Variants in NME9 observed in about 807,000 individuals in gnomAD.
NME9 encodes the protein thioredoxin domain-containing protein 6.
In NME9, 48 loss-of-function variants were observed where a neutral mutation model predicts 44.4. The observed-to-expected ratio is 1.08, with a 90% CI of 0.86 to 1.37. NME9 has a LOEUF of 1.37. Ranked by LOEUF, NME9 falls within the 40% of genes most tolerant of loss-of-function variation. The pLI, the probability that NME9 is intolerant of heterozygous loss-of-function variation, is 0.00. For synonymous variants in NME9, 139 were observed against 147.1 expected (o/e 0.94, Z 0.40); for missense variants, 325 against 405.2 (o/e 0.80, Z 1.70).
exon 9 of NME9, chr3:138,261,640 G>A (rs760957457): frequency 6.6e-6 from 1 of 152,194 alleles, no homozygotes; most frequent in African/African-American, 2.4e-5. Flanking sequence ...GATGGAAAGT[G>A]GGGAGAGGAC....
Position 138,316,697 on chromosome 3 carries a change from C to T in NME9, c.268-1054G>A, listed in dbSNP as rs1446948036. Among the ~76,000 whole-genome samples, 3 of 151,946 alleles carry T rather than the reference C, an allele frequency of 2.0e-5. No individual in the cohort carries two copies. In the East Asian group the frequency reaches 5.8e-4, roughly 29 times the overall value. On this transcript the variant is annotated intron_variant, in intron 4 of 10. Coordinates refer to ENST00000333911, the MANE Select transcript of NME9 (RefSeq NM_001349018.2). ...TGGTGTGGTCTCGGCTCACTGCAAC[C>T]TCCGCCTCCTGGGTTCAAGTGATTC...
At chr3:138,329,246 C>T in intron 1 of NME9, 57 bp downstream of exon 1, 1 of 1,435,240 alleles carries the variant, frequency 7.0e-7, no homozygotes, top group South Asian at 1.2e-5. Context: ...GCTCTAATCA[C>T]CCTCCTCTTC....
At chr3:138,328,462 G>A (rs2053928035) in intron 1 of NME9, among the ~76,000 whole-genome samples, 1 of 151,484 alleles carries the variant, frequency 6.6e-6, no homozygotes, top group African/African-American at 2.4e-5. Flanking sequence ...GTCCTGCTGA[G>A]GACAATAAGA....
At chr3:138,327,828 A>T (rs1297792566) in intron 1 of NME9, among the ~76,000 whole-genome samples, 1 of 152,178 alleles carries the variant, frequency 6.6e-6, no homozygotes, top group East Asian at 1.9e-4. Flanking sequence ...CAGAGCTCTG[A>T]GTAATACACA....
At chr3:138,263,096 G>A (rs2047913230) in intron 8 of NME9, among the ~76,000 whole-genome samples, 2 of 152,280 alleles carry the variant, frequency 1.3e-5, no homozygotes, top group Non-Finnish European at 2.9e-5. Flanking sequence ...TTTTCAATAG[G>A]CCCACACAAG....
At chr3:138,303,722 C>T (rs973193936) in intron 9 of NME9, 79 bp from the exon 10 acceptor site, 10 of 1,337,654 alleles carry the variant, frequency 7.5e-6, no homozygotes, top group African/African-American at 4.3e-5. Context: ...AACATGATCA[C>T]CGACTACCAA....
chr3:138,328,441 G>A (rs2053926523), intron 1 of NME9, among the ~76,000 whole-genome samples: 1 of 147,712 alleles, frequency 6.8e-6, no homozygotes, highest in Non-Finnish European at 1.5e-5. Context: ...AAATCCACAT[G>A]CAAACTGCTG....
chr3:138,325,992 G>A (rs985500342), intron 1 of NME9, among the ~76,000 whole-genome samples: 3 of 152,160 alleles, frequency 2.0e-5, no homozygotes, highest in Non-Finnish European at 4.4e-5. Context: ...GAGTATCAAA[G>A]GAGCTAATCA....
rs569848101 is a variant in NME9 at position 138,293,307 on chromosome 3, C to T, written c.745+10200G>A. Reference sequence around the variant, plus strand: ...CTGTAATCCCAGCACTTTGGGAGGCCGAGGTAAGCGGATTATGAGGTCAGG... The same window carrying T: ...CTGTAATCCCAGCACTTTGGGAGGCTGAGGTAAGCGGATTATGAGGTCAGG... On this transcript the variant is annotated intron_variant, in intron 8 of 8. Coordinates refer to the NME9 transcript ENST00000317876. Among the ~76,000 whole-genome samples the T allele has an allele frequency of 2.5e-4, 38 of 152,192 alleles. 1 individual carries two copies. Among genetic ancestry groups the T allele is most frequent in the Admixed American group, 8.5e-4 (13 of 15,292 alleles).
chr3:138,315,987 A>G (rs1326819531), intron 4 of NME9, among the ~76,000 whole-genome samples: 1 of 152,172 alleles, frequency 6.6e-6, no homozygotes, highest in East Asian at 1.9e-4. Context: ...GCCCGCCACC[A>G]TGCCCGGCTA....
intron 8 of NME9, among the ~76,000 whole-genome samples, chr3:138,295,026 G>A (rs1321052847): frequency 6.6e-6 from 1 of 151,906 alleles, no homozygotes; most frequent in Admixed American, 6.6e-5. Flanking sequence ...AGCCTCCGAA[G>A]TGGTTGGGAT....
At chr3:138,264,016 T>C in intron 8 of NME9, 1 of 1,048,738 alleles carries the variant, frequency 9.5e-7, no homozygotes, top group Admixed American at 2.0e-5. Context: ...TGTAGTTCAC[T>C]TAACAATGTA....
Position 138,304,939 on chromosome 3 carries a change from A to G in NME9, c.725T>C (p.Val242Ala). The change falls in exon 9 of 11, where the codon GTC becomes GCC. Residue 242 changes from valine to alanine, a missense_variant. Val to Ala is a moderately conservative substitution (Grantham distance 64). Transcript: ENST00000333911. ...LTRTEGFEDVVTTWRTVMGPR... is the reference protein window; with the variant it reads ...LTRTEGFEDVATTWRTVMGPR... ...GCCCATGACGGTTCGCCAGGTAGTG[A>G]CCACGTCCTCGAAGCCCTCAGTCCT... The G allele has an allele frequency of 6.2e-7, 1 of 1,614,154 alleles. No homozygotes were observed. The highest frequency in any genetic ancestry group is 8.5e-7 in the Non-Finnish European group (1 of 1,180,026).
chr3:138,272,493 C>T (rs1274145920), intron 8 of NME9, among the ~76,000 whole-genome samples: 7 of 152,136 alleles, frequency 4.6e-5, no homozygotes, highest in African/African-American at 7.2e-5. Context: ...TTTCTCTTGA[C>T]GGACAGAAAT....
chr3:138,271,801 T>TC (rs56997401), intron 8 of NME9, among the ~76,000 whole-genome samples: 5 of 149,022 alleles, frequency 3.4e-5, no homozygotes, highest in Admixed American at 6.6e-5. Context: ...TTTCTTTCTT[T>TC]TTTTTTTTTT....
At chr3:138,297,375 C>G (rs1320126913), downstream of NME9, 3 of 152,134 alleles carry the variant, frequency 2.0e-5, no homozygotes, top group South Asian at 2.1e-4. Flanking sequence ...CCTACCTTTT[C>G]TCTTTGCTAA....
chr3:138,277,159 A>G (rs1053472847), intron 8 of NME9, among the ~76,000 whole-genome samples: 3 of 152,216 alleles, frequency 2.0e-5, no homozygotes, highest in Non-Finnish European at 4.4e-5. Context: ...ACAAAGGTAC[A>G]AAGGCAACTT....
At chr3:138,291,649 G>T (rs1214754698) in intron 8 of NME9, among the ~76,000 whole-genome samples, 1 of 152,226 alleles carries the variant, frequency 6.6e-6, no homozygotes, top group African/African-American at 2.4e-5. Flanking sequence ...AAGGAATGGA[G>T]AATCAAGAAA....
At chr3:138,322,013 C>T (rs755869032) in intron 2 of NME9, among the ~76,000 whole-genome samples, 3 of 151,646 alleles carry the variant, frequency 2.0e-5, no homozygotes, top group Non-Finnish European at 4.4e-5. Context: ...ACAGCATCCA[C>T]GTAGAGGATA....
Sources: gnomAD v4.1 joint callset for allele counts (sites outside exome capture counted in the v4.1 genomes callset) on GRCh38, gnomAD v4.1.1 for gene constraint, MANE v1.5 for transcripts, NCBI Gene and HGNC (gene_info 2026-07-23, HGNC 2026-07-21) for gene names.